The following CCDC192 variants were observed in gnomAD, a reference collection of about 807,000 sequenced individuals.
The protein encoded by CCDC192 is coiled-coil domain containing 192, also known as coiled-coil domain-containing protein 192.
intron 5 of CCDC192, among the ~76,000 whole-genome samples, chr5:127,805,021 A>G (rs1029584820): frequency 3.9e-5 from 6 of 152,150 alleles, no homozygotes; most frequent in Admixed American, 1.3e-4. Flanking sequence ...GGAGACATGC[A>G]GTAGCACACA....
intron 5 of CCDC192, among the ~76,000 whole-genome samples, chr5:127,870,376 C>G (rs1156485497): frequency 6.6e-6 from 1 of 152,178 alleles, no homozygotes; most frequent in Non-Finnish European, 1.5e-5. Context: ...CATTGCCTTT[C>G]TAGGTTACCT....
At chr5:127,744,301 C>T (rs1482694885) in intron 2 of CCDC192, among the ~76,000 whole-genome samples, 2 of 151,546 alleles carry the variant, frequency 1.3e-5, no homozygotes, top group African/African-American at 2.4e-5. Context: ...AGACTTGAAT[C>T]TGCATGAGAA....
In CCDC192 at chr5:127,859,695, A is replaced by C. The variant is rs1177016530; in HGVS notation, c.412-15843A>C. On this transcript the variant is annotated intron_variant, in intron 5 of 6. Transcript: ENST00000514853. ...TCTTTTTCTCTGGAAAGCACATTAG[A>C]TTTTATCGAAGATTCCCTTCTCTAC... Among the ~76,000 whole-genome samples the C allele has an allele frequency of 1.3e-5, 2 of 152,050 alleles. 1 individual carries two copies. The highest frequency in any genetic ancestry group is 3.8e-4 in the East Asian group (2 of 5,202).
chr5:127,809,929 G>A (rs1757988776), intron 5 of CCDC192, among the ~76,000 whole-genome samples: 1 of 152,104 alleles, frequency 6.6e-6, no homozygotes, highest in South Asian at 2.1e-4. Flanking sequence ...AAAACAGATT[G>A]CTCTGTGTGG....
chr5:127,727,927 T>A (rs1752426532), intron 2 of CCDC192, among the ~76,000 whole-genome samples: 2 of 151,868 alleles, frequency 1.3e-5, no homozygotes, highest in South Asian at 4.2e-4. Context: ...ATAGACCAGG[T>A]AGAGAAAATA....
At chr5:127,822,937 GT>G (rs972864815) in intron 5 of CCDC192, among the ~76,000 whole-genome samples, 4 of 152,142 alleles carry the variant, frequency 2.6e-5, no homozygotes, top group African/African-American at 9.7e-5. Flanking sequence ...TCTTCTTGTG[GT>G]TCCAGGTCTT....
intron 6 of CCDC192, among the ~76,000 whole-genome samples, chr5:127,903,142 T>C (rs1260798116): frequency 6.6e-6 from 1 of 152,062 alleles, no homozygotes; most frequent in Non-Finnish European, 1.5e-5. Flanking sequence ...CACCAGCAGC[T>C]CCACACTTGC....
chr5:127,938,642 A>G (rs1391577535), intron 6 of CCDC192, among the ~76,000 whole-genome samples: 1 of 152,246 alleles, frequency 6.6e-6, no homozygotes, highest in East Asian at 1.9e-4. Context: ...CTTTAACACA[A>G]TGTATTCTAA....
intron 5 of CCDC192, among the ~76,000 whole-genome samples, chr5:127,815,442 T>C (rs1021203712): frequency 5.9e-5 from 9 of 151,712 alleles, no homozygotes; most frequent in African/African-American, 2.2e-4. Flanking sequence ...TGATAGGGGG[T>C]GGGGAAAATC....
At chr5:127,720,766 C>A (rs1751974340) in intron 2 of CCDC192, among the ~76,000 whole-genome samples, 1 of 152,212 alleles carries the variant, frequency 6.6e-6, no homozygotes, top group African/African-American at 2.4e-5. Flanking sequence ...ATTCTGCACC[C>A]ACAGGCTTAA....
chr5:127,805,829 T>G (rs1757752657), intron 5 of CCDC192, among the ~76,000 whole-genome samples: 1 of 152,214 alleles, frequency 6.6e-6, no homozygotes, highest in African/African-American at 2.4e-5. Flanking sequence ...GCCCCTCATT[T>G]TAACCCTTTA....
chr5:127,906,974 T>G (rs1417073989), intron 6 of CCDC192, among the ~76,000 whole-genome samples: 1 of 152,192 alleles, frequency 6.6e-6, no homozygotes, highest in Non-Finnish European at 1.5e-5. Flanking sequence ...GGATTCAAAT[T>G]TTCTCTACAT....
chr5:127,856,054 G>A (rs1751075655), intron 5 of CCDC192, among the ~76,000 whole-genome samples: 1 of 152,186 alleles, frequency 6.6e-6, no homozygotes, highest in Non-Finnish European at 1.5e-5. Context: ...TTTGAAGCCA[G>A]GCATTGATTT....
At chr5:127,896,763 G>C (rs1752900631) in intron 6 of CCDC192, among the ~76,000 whole-genome samples, 2 of 151,948 alleles carry the variant, frequency 1.3e-5, no homozygotes, top group Non-Finnish European at 2.9e-5. Flanking sequence ...TTCATTTTCT[G>C]TGTTTCCTGT....
intron 6 of CCDC192, among the ~76,000 whole-genome samples, chr5:127,929,202 C>T (rs9285910): frequency 0.52 from 79,291 of 152,014 alleles, 21,074 homozygotes; most frequent in East Asian, 0.63. Flanking sequence ...AATAAATGAA[C>T]GACAAAAATA....
At chr5:127,840,336 T>G (rs1750226759) in intron 5 of CCDC192, among the ~76,000 whole-genome samples, 1 of 152,188 alleles carries the variant, frequency 6.6e-6, no homozygotes, top group Non-Finnish European at 1.5e-5. Context: ...AATCGTCAAA[T>G]TATCTCTGTA....
intron 1 of CCDC192, among the ~76,000 whole-genome samples, chr5:127,706,749 A>G (rs867825683): frequency 6.6e-6 from 1 of 152,176 alleles, no homozygotes; most frequent in Non-Finnish European, 1.5e-5. Flanking sequence ...TGACACAAAA[A>G]ATATAATCAA....
intron 3 of CCDC192, among the ~76,000 whole-genome samples, chr5:127,781,179 A>G (rs1208731900): frequency 6.6e-6 from 1 of 152,030 alleles, no homozygotes; most frequent in Non-Finnish European, 1.5e-5. Context: ...ATTCTGTTCC[A>G]TTGGTCTATG....
At chr5:127,788,941 A>C (rs1395534300) in intron 3 of CCDC192, among the ~76,000 whole-genome samples, 2 of 152,234 alleles carry the variant, frequency 1.3e-5, no homozygotes, top group African/African-American at 4.8e-5. Context: ...TATTGCCCTT[A>C]TAAGAAGAGA....
Sources: allele counts gnomAD v4.1 joint callset (sites outside exome capture counted in the v4.1 genomes callset), GRCh38; gene constraint gnomAD v4.1.1; transcripts MANE v1.5; gene names NCBI Gene and HGNC (gene_info 2026-07-23, HGNC 2026-07-21).